The following SPATA21 variants were observed in gnomAD, a reference collection of about 807,000 sequenced individuals.
The protein encoded by SPATA21 is spermatogenesis associated 21.
A neutral mutation model predicts 54.8 loss-of-function variants in SPATA21; 47 were observed. The observed-to-expected ratio is 0.86, with a 90% confidence interval of 0.68 to 1.09. The LOEUF (loss-of-function observed/expected upper bound fraction) is 1.09, where lower values mean the gene tolerates loss of function less well. Among genes scored for constraint, SPATA21 ranks in the 50% least tolerant of loss-of-function variants. SPATA21 has a pLI of 0.00. For missense variants in SPATA21, 599 were observed against 596.4 expected, an observed-to-expected ratio of 1.00 and a Z score of -0.05; for synonymous variants, 245 against 235.3, an observed-to-expected ratio of 1.04 and a Z score of -0.38.
chr1:16,400,370 A>G, intron 11 of SPATA21: 2 of 866,944 alleles, frequency 2.3e-6, no homozygotes, highest in Non-Finnish European at 2.8e-6. Context: ...TATGAGTATT[A>G]AATTCTAGAG....
chr1:16,436,945 TG>T (rs2086601438), intron 1 of SPATA21, among the ~76,000 whole-genome samples, 182 bp downstream of exon 1: 1 of 152,220 alleles, frequency 6.6e-6, no homozygotes, highest in African/African-American at 2.4e-5. Context: ...CAAAATTCTT[TG>T]GGTATTGAGT....
At position 16,405,085 on chromosome 1, in the gene SPATA21, C is replaced by G. The variant is rs572496009; in HGVS notation, c.693G>C (p.Glu231Asp). ...KQEEAFRSYF[E>D]IFNGPGEVDA... ...CCACCTCACCAGGACCATTGAAGAT[C>G]TCAAAGTAGCTGCGGAAGGCTGTGG... Residue 231 changes from glutamate to aspartate, a missense_variant, in exon 8 of 13, where the codon GAG becomes GAC. Glu to Asp is a conservative substitution (Grantham distance 45, BLOSUM62 2). Coordinates refer to ENST00000335496, the MANE Select transcript of SPATA21 (RefSeq NM_198546.1). The G allele has an allele frequency of 6.2e-7, 1 of 1,609,072 alleles. No homozygotes were observed. Among genetic ancestry groups the G allele is most frequent in the Admixed American group, 1.7e-5 (1 of 59,042 alleles).
chr1:16,422,069 T>G (rs1479613367), intron 3 of SPATA21, 98 bp from the exon 4 acceptor site: 8 of 1,600,750 alleles, frequency 5.0e-6, no homozygotes, highest in Non-Finnish European at 6.0e-6. Context: ...GCCTGATGTG[T>G]GGGACACCTG....
At position 16,421,591 on chromosome 1, in the gene SPATA21, C is replaced by T. The variant is rs371146175; in HGVS notation, c.96-34G>A. The T allele has an allele frequency of 2.2e-5, 35 of 1,603,452 alleles. No homozygotes were observed. The highest frequency in any genetic ancestry group is 1.7e-4 in the Middle Eastern group (1 of 6,026). ...AAGAGAAACCCCCAGGTGGGGGAAG[C>T]GCTCAGCTGAAGGTTTGCCCCCCTG... On this transcript the variant is annotated intron_variant, in intron 4 of 12. Transcript: ENST00000335496. This position sits in a 1 kb window ranked among gnomAD's most constrained non-coding sequence, Gnocchi z 5.2.
In SPATA21 at chr1:16,409,803, G is replaced by C; in HGVS notation, c.385C>G (p.Gln129Glu). The change falls in exon 6 of 13, where the codon CAG (glutamine) becomes GAG (glutamate). Residue 129 changes from glutamine (Q) to glutamate (E), a missense_variant. Transcript: ENST00000335496. This position sits in a 1 kb window ranked among gnomAD's most constrained non-coding sequence, Gnocchi z 4.1. ...PVPTSAPSLP[Q>E]TPASVPASGP... ...CTGGCAGGGACCGAGGCAGGGGTCT[G>C]AGGCAGGCTTGGAGCTGAGGTGGGC... 2 of 1,600,128 alleles carry C rather than the reference G, an allele frequency of 1.2e-6. No homozygotes were observed.
chr1:16,413,809 C>T (rs1407489315), intron 5 of SPATA21, among the ~76,000 whole-genome samples: 5 of 151,886 alleles, frequency 3.3e-5, no homozygotes, highest in South Asian at 2.1e-4. Context: ...GAGAGGGTTT[C>T]GCTATATTGG....
chr1:16,400,971 C>A, intron 10 of SPATA21, 79 bp from the exon 11 acceptor site: 1 of 1,510,534 alleles, frequency 6.6e-7, no homozygotes. Flanking sequence ...ATCTCTCTGG[C>A]CAGCTCTGGA....
At chr1:16,405,581 A>G (rs1289012011) in intron 7 of SPATA21, among the ~76,000 whole-genome samples, 1 of 151,104 alleles carries the variant, frequency 6.6e-6, no homozygotes, top group African/African-American at 2.4e-5. Flanking sequence ...GGATCCCTTG[A>G]GCCCAGGAGA....
Position 16,409,010 on chromosome 1 carries a change from C to T in SPATA21, c.673+108G>A, listed in dbSNP as rs893436751. On this transcript the variant is annotated intron_variant, in intron 7 of 12. Transcript: ENST00000335496. The surrounding 1 kb of genome is among the most constrained non-coding windows in gnomAD (Gnocchi z 4.1). ...CCCCTGCTGGGTCTGCTACACATGG[C>T]GGCAGCCATGTGATCTGGAAAGCAC... is the stretch of plus-strand genomic sequence containing the variant. 3.2e-5 allele frequency: 37 copies of T among 1,173,038 alleles called. No individual in the cohort carries two copies. Among genetic ancestry groups the T allele is most frequent in the South Asian group, 2.9e-4 (22 of 75,680 alleles). 72.7% of individuals were successfully genotyped at this position (1,173,038 alleles called of 1,614,324 possible). A position where few individuals can be genotyped will look rare whatever the true frequency, so the allele number is the denominator to read the frequency against.
rs573218753 is a variant in SPATA21 at position 16,431,540 on chromosome 1, C to A, written c.-51-118G>T. On this transcript the variant is annotated intron_variant, in intron 2 of 12. Coordinates refer to ENST00000335496, the MANE Select transcript of SPATA21 (RefSeq NM_198546.1). The stretch of plus-strand genomic sequence containing the variant: ...GCTCGAGGGAAGAGGCGGGGCCAGG[C>A]CTTGCAAGGAGAGGCACGCAGCAAA... The A allele has an allele frequency of 3.4e-5, 32 of 952,360 alleles. 1 individual carries two copies. In the South Asian group the frequency reaches 4.8e-4, roughly 14 times the overall value. The allele number at this position is 952,360 out of a possible 1,614,324, so 59.0% of individuals were successfully genotyped here.
chr1:16,430,114 CAAAAAAAAAAAA>C (rs1226598581), intron 3 of SPATA21, among the ~76,000 whole-genome samples: 6 of 53,152 alleles, frequency 1.1e-4, no homozygotes, highest in Admixed American at 4.9e-4. Context: ...GACTCTATCT[CAAAAAAAAAAAA>C]AAAAAAAAAA....
At chr1:16,404,463 C>T (rs1470904227) in intron 8 of SPATA21, among the ~76,000 whole-genome samples, 3 of 152,118 alleles carry the variant, frequency 2.0e-5, no homozygotes, top group African/African-American at 7.2e-5. Context: ...GAGCAAGACT[C>T]TGTTGCAAAA....
intron 7 of SPATA21, among the ~76,000 whole-genome samples, chr1:16,407,704 C>T (rs1450517639): frequency 1.3e-5 from 2 of 151,934 alleles, no homozygotes; most frequent in African/African-American, 4.8e-5. Context: ...GTGATCCACC[C>T]GCCTAAGCCT....
intron 11 of SPATA21, chr1:16,400,332 A>C (rs1341247703): frequency 3.0e-6 from 2 of 663,422 alleles, no homozygotes; most frequent in African/African-American, 3.9e-5. Context: ...TCATTTTTCT[A>C]ATCTGTAAAA....
chr1:16,436,890 A>T (rs1488710157), intron 1 of SPATA21, among the ~76,000 whole-genome samples: 3 of 152,038 alleles, frequency 2.0e-5, no homozygotes, highest in Non-Finnish European at 4.4e-5. Flanking sequence ...ATAAATAAAA[A>T]GTTTTGAAAT....
intron 5 of SPATA21, 99 bp from the exon 6 acceptor site, chr1:16,410,142 C>G: frequency 9.9e-7 from 1 of 1,006,690 alleles, no homozygotes; most frequent in African/African-American, 1.6e-5. Flanking sequence ...TCAGACTGCC[C>G]CTTACTCTCT....
chr1:16,435,614 GC>G lies in SPATA21; in HGVS notation c.-187+1513del, dbSNP rs1161078418. Among the ~76,000 whole-genome samples the G allele has an allele frequency of 1.4e-3, 210 of 149,252 alleles. 2 individuals are homozygous for G. In the East Asian group the frequency reaches 0.019, roughly 14 times the overall value. On this transcript the variant is annotated intron_variant, in intron 1 of 12. Transcript: ENST00000335496. ...TTACAGGTGTGAGCCACCATGCCCG[GC>G]CCCCCCCTTTTTTTTTTTTCAGACA... is the stretch of plus-strand genomic sequence containing the variant.
At chr1:16,418,333 G>A (rs1239351152) in intron 5 of SPATA21, among the ~76,000 whole-genome samples, 2 of 152,072 alleles carry the variant, frequency 1.3e-5, no homozygotes, top group African/African-American at 2.4e-5. Flanking sequence ...GTGCAGTGGC[G>A]TGATCTCGGC....
chr1:16,404,626 G>A (rs2085569075), intron 8 of SPATA21, among the ~76,000 whole-genome samples: 1 of 152,176 alleles, frequency 6.6e-6, no homozygotes, highest in Non-Finnish European at 1.5e-5. Flanking sequence ...AGACCAGCCC[G>A]GGCAACAAAG....
Sources: allele counts gnomAD v4.1 joint callset (sites outside exome capture counted in the v4.1 genomes callset), GRCh38; gene constraint gnomAD v4.1.1; non-coding constraint Gnocchi (gnomAD v3.1); transcripts MANE v1.5; gene names NCBI Gene and HGNC (gene_info 2026-07-23, HGNC 2026-07-21).